The following LRP1B variants were observed in gnomAD, a reference collection of about 807,000 sequenced individuals.
LRP1B encodes the protein low-density lipoprotein receptor-related protein 1B.
LRP1B carries 217 observed loss-of-function variants against 556.6 expected under a neutral mutation model. The ratio of observed to expected loss-of-function variants is 0.39; its 90% CI spans 0.35 to 0.44. LRP1B has a LOEUF of 0.44. Ranked by LOEUF, LRP1B falls within the 20% of genes least tolerant of loss-of-function variation. The pLI is 1.00. For synonymous variants in LRP1B, 2,047 were observed against 1,865.8 expected (o/e 1.10, Z -2.50); for missense variants, 5,053 against 5,620.8 (o/e 0.90, Z 3.23).
intron 66 of LRP1B, among the ~76,000 whole-genome samples, chr2:140,409,465 A>G (rs7592518): frequency 0.14 from 21,850 of 151,946 alleles, 2,136 homozygotes; most frequent in African/African-American, 0.28. Flanking sequence ...TTTAACCAGA[A>G]TTGTGTTTTA....
intron 2 of LRP1B, among the ~76,000 whole-genome samples, chr2:141,761,732 A>T (rs1482458052): frequency 1.3e-5 from 2 of 152,310 alleles, no homozygotes; most frequent in East Asian, 1.9e-4. Context: ...GCTTTTTGTC[A>T]TAAAAAAATG....
intron 41 of LRP1B, among the ~76,000 whole-genome samples, chr2:140,645,726 G>C (rs947322491): frequency 2.0e-5 from 3 of 151,508 alleles, no homozygotes; most frequent in Admixed American, 1.3e-4. Context: ...TTTTAGTAGA[G>C]ACGGGGTTTC....
intron 1 of LRP1B, among the ~76,000 whole-genome samples, chr2:142,094,464 T>C (rs922126154): frequency 9.9e-5 from 15 of 152,066 alleles, no homozygotes; most frequent in Admixed American, 3.9e-4. Context: ...AACTGATGTA[T>C]AGCTATAGCG....
At chr2:141,216,842 G>A (rs1682836120) in intron 6 of LRP1B, among the ~76,000 whole-genome samples, 1 of 152,152 alleles carries the variant, frequency 6.6e-6, no homozygotes, top group Admixed American at 6.5e-5. Context: ...TACTCATCCT[G>A]ATTCCATTAT....
intron 59 of LRP1B, among the ~76,000 whole-genome samples, chr2:140,479,430 C>T (rs1688128820): frequency 6.6e-6 from 1 of 152,114 alleles, no homozygotes; most frequent in Non-Finnish European, 1.5e-5. Context: ...TGTAAAATTT[C>T]AGCCCCAAAT....
At chr2:140,585,129 G>T (rs1681932996) in intron 43 of LRP1B, among the ~76,000 whole-genome samples, 1 of 152,014 alleles carries the variant, frequency 6.6e-6, no homozygotes, top group Non-Finnish European at 1.5e-5. Context: ...TATCATTCAT[G>T]TTTATACAAA....
intron 31 of LRP1B, among the ~76,000 whole-genome samples, chr2:140,837,672 A>G (rs1339907338): frequency 1.3e-5 from 2 of 152,126 alleles, no homozygotes; most frequent in Non-Finnish European, 2.9e-5. Flanking sequence ...CATCATTCTC[A>G]GCAAACTATC....
At chr2:141,070,648 C>G (rs981485378) in intron 7 of LRP1B, among the ~76,000 whole-genome samples, 7 of 151,768 alleles carry the variant, frequency 4.6e-5, no homozygotes, top group Non-Finnish European at 7.4e-5. Flanking sequence ...ATCAAATAGA[C>G]GCAATAAAAA....
rs560906387 is a variant in LRP1B, at chr2:141,115,289, G to T, written c.1014-53016C>A. Among the ~76,000 whole-genome samples, 5 of 152,086 alleles carry T rather than the reference G, an allele frequency of 3.3e-5. No individual in the cohort carries two copies. The East Asian group carries it at 7.8e-4, about 24-fold the overall frequency. On this transcript the variant is annotated intron_variant, in intron 7 of 90. Coordinates refer to ENST00000389484, the MANE Select transcript of LRP1B (RefSeq NM_018557.3). ...CTACATAGTCCAAGAGTAGGCTAAA[G>T]ATCAGCACACACACAACATGTGATA...
chr2:140,280,675 T>C (rs560719425), intron 84 of LRP1B, among the ~76,000 whole-genome samples: 2 of 151,928 alleles, frequency 1.3e-5, no homozygotes, highest in African/African-American at 4.8e-5. Context: ...TTGATCTAAA[T>C]GGTTACTGTG....
intron 2 of LRP1B, among the ~76,000 whole-genome samples, chr2:141,728,052 A>G (rs1253448663): frequency 2.6e-5 from 4 of 152,148 alleles, no homozygotes; most frequent in Non-Finnish European, 5.9e-5. Flanking sequence ...AGAAGCCCGT[A>G]TTTCAGAGAG....
intron 2 of LRP1B, among the ~76,000 whole-genome samples, chr2:141,657,930 A>G (rs1219667016): frequency 6.6e-6 from 1 of 152,194 alleles, no homozygotes; most frequent in Non-Finnish European, 1.5e-5. Flanking sequence ...TATTAATTGA[A>G]AAAGGTTTAA....
At chr2:140,308,190 G>A (rs1374663437) in intron 83 of LRP1B, among the ~76,000 whole-genome samples, 4 of 151,730 alleles carry the variant, frequency 2.6e-5, no homozygotes, top group Admixed American at 2.6e-4. Context: ...AACCTGGTGA[G>A]TGTCTGTCTT....
At chr2:142,101,128 A>G (rs1348768623) in intron 1 of LRP1B, among the ~76,000 whole-genome samples, 3 of 152,032 alleles carry the variant, frequency 2.0e-5, no homozygotes, top group Non-Finnish European at 4.4e-5. Context: ...CAGAGTTTGT[A>G]CATAAAGGAA....
intron 20 of LRP1B, among the ~76,000 whole-genome samples, chr2:140,940,173 C>T (rs1695355012): frequency 6.6e-6 from 1 of 152,054 alleles, no homozygotes; most frequent in South Asian, 2.1e-4. Flanking sequence ...GGGTGAGCCA[C>T]CACGCCCAGC....
chr2:140,429,531 A>C (rs1454227318), intron 66 of LRP1B, among the ~76,000 whole-genome samples: 3 of 152,158 alleles, frequency 2.0e-5, no homozygotes, highest in African/African-American at 7.2e-5. Context: ...CCGTTACTTC[A>C]GTCAAGCCCA....
At chr2:141,751,065 C>G (rs866947642) in intron 2 of LRP1B, among the ~76,000 whole-genome samples, 1 of 151,758 alleles carries the variant, frequency 6.6e-6, no homozygotes, top group African/African-American at 2.4e-5. Flanking sequence ...CTATTTTTAA[C>G]TCTCCCTTTC....
chr2:141,226,834 C>T lies in LRP1B; in HGVS notation c.850+2349G>A, dbSNP rs80069667. ...GGCTTACAAGCAATGACAGAGAAGC[C>T]CAGCCCTGCTCACACCCCTGCCCCA... On this transcript the variant is annotated intron_variant, in intron 6 of 90. Coordinates refer to ENST00000389484, the MANE Select transcript of LRP1B (RefSeq NM_018557.3). 6.9e-3 allele frequency among the ~76,000 whole-genome samples: 1,056 copies of T among 152,146 alleles called. 13 individuals carry two copies. Among genetic ancestry groups the T allele is most frequent in the African/African-American group, 0.023 (971 of 41,522 alleles).
At chr2:141,809,073 G>A (rs1397491244) in intron 2 of LRP1B, among the ~76,000 whole-genome samples, 2 of 152,032 alleles carry the variant, frequency 1.3e-5, no homozygotes, top group Non-Finnish European at 2.9e-5. Flanking sequence ...AGTTTTGAAA[G>A]GTTTTTGGGA....
Sources: gnomAD v4.1 joint callset for allele counts (sites outside exome capture counted in the v4.1 genomes callset) on GRCh38, gnomAD v4.1.1 for gene constraint, MANE v1.5 for transcripts, NCBI Gene and HGNC (gene_info 2026-07-23, HGNC 2026-07-21) for gene names.